Variants in SDK2 observed in about 807,000 individuals in gnomAD.
SDK2 encodes sidekick cell adhesion molecule 2.
Under a neutral mutation model 253.9 loss-of-function variants are expected in SDK2, and 105 were observed. That is an observed-to-expected ratio of 0.41 (90% CI 0.35 to 0.49). SDK2 has a LOEUF of 0.49. Among genes scored for constraint, SDK2 ranks in the 20% least tolerant of loss-of-function variants. The pLI, the probability that SDK2 is intolerant of heterozygous loss-of-function variation, is 0.06. For missense variants in SDK2, 2,608 were observed against 3,003.0 expected, an observed-to-expected ratio of 0.87 and a Z score of 3.07; for synonymous variants, 1,249 against 1,234.9, an observed-to-expected ratio of 1.01 and a Z score of -0.24.
chr17:73,375,934 T>C (rs1302310742), intron 36 of SDK2, among the ~76,000 whole-genome samples: 6 of 151,526 alleles, frequency 4.0e-5, no homozygotes, highest in Admixed American at 4.0e-4. Context: ...GCTGGCTCAC[T>C]CCTGTAATCC....
rs2062608492 is a variant in SDK2 at position 73,358,154 on chromosome 17, T to C, written c.5518A>G (p.Ile1840Val). ...TCTCCGCTGGACCAGTGAATGGCGATGGCAGAGCTGTACCGCACGATGATG... is the reference window on the plus strand; with the variant it reads ...TCTCCGCTGGACCAGTGAATGGCGACGGCAGAGCTGTACCGCACGATGATG... ...VPIIVRYSSA[I>V]AIHWSSGDPG... Residue 1840 changes from isoleucine (I) to valine (V), a missense_variant, in exon 40 of 45, where the codon ATC (isoleucine) becomes GTC (valine). Ile to Val is a conservative substitution (Grantham distance 29). Transcript: ENST00000392650. 2.5e-6 allele frequency: 4 copies of C among 1,613,106 alleles called. No individual in the cohort carries two copies. The East Asian group carries it at 8.9e-5, about 36-fold the overall frequency.
chr17:73,444,015 C>T (rs921247357), intron 5 of SDK2, among the ~76,000 whole-genome samples: 1 of 152,068 alleles, frequency 6.6e-6, no homozygotes, highest in Non-Finnish European at 1.5e-5. Flanking sequence ...AATGAAAGAG[C>T]GTGTGATGGT....
intron 3 of SDK2, among the ~76,000 whole-genome samples, 180 bp from the exon 4 acceptor site, chr17:73,456,233 C>T (rs887798162): frequency 6.6e-6 from 1 of 152,198 alleles, no homozygotes; most frequent in Admixed American, 6.5e-5. Flanking sequence ...AGCACCCTGC[C>T]CTAAGCTACT....
chr17:73,395,064 C>T lies in SDK2; in HGVS notation c.3592+91G>A. The T allele has an allele frequency of 1.0e-6, 1 of 997,058 alleles. No individual in the cohort carries two copies. Among genetic ancestry groups the T allele is most frequent in the South Asian group, 1.6e-5 (1 of 63,648 alleles). 61.8% of individuals were successfully genotyped at this position (997,058 alleles called of 1,614,324 possible). A position where few individuals can be genotyped will look rare whatever the true frequency, so the allele number is the denominator to read the frequency against. On this transcript the variant is annotated intron_variant, in intron 25 of 44. Transcript: ENST00000392650. The surrounding 1 kb of genome is among the most constrained non-coding windows in gnomAD (Gnocchi z 4.3). The stretch of plus-strand genomic sequence containing the variant: ...AGCTCAGGCTGTTTTTGAACAACAC[C>T]TTCAGCCTGGCACGCGCTTGGATGA...
chr17:73,354,881 T>C (rs767664693), intron 40 of SDK2, among the ~76,000 whole-genome samples: 4 of 151,950 alleles, frequency 2.6e-5, no homozygotes, highest in Non-Finnish European at 4.4e-5. Flanking sequence ...CTGATGGTTT[T>C]GTTTTCCTCA....
chr17:73,479,201 C>T (rs1269116092), intron 2 of SDK2, among the ~76,000 whole-genome samples: 1 of 152,238 alleles, frequency 6.6e-6, no homozygotes, highest in African/African-American at 2.4e-5. Context: ...GCAGGTGTCG[C>T]CCCAGATGTC....
At chr17:73,403,520 T>G (rs554668556) in intron 18 of SDK2, among the ~76,000 whole-genome samples, 2 of 152,230 alleles carry the variant, frequency 1.3e-5, no homozygotes, top group Non-Finnish European at 2.9e-5. Flanking sequence ...TTTCAGAGAT[T>G]TCCTCATTTA....
In SDK2 at chr17:73,334,917, T is replaced by G. The variant is rs903847349; in HGVS notation, c.*3670A>C. On this transcript the variant is annotated 3_prime_UTR_variant, in exon 45 of 45. Transcript: ENST00000392650. Reference sequence around the variant, plus strand: ...ACTCTGGGAAGCTGAGGGAAGCCCCTGCCCAGCCAGAGTGGCACTGTGGTG... The same window carrying G: ...ACTCTGGGAAGCTGAGGGAAGCCCCGGCCCAGCCAGAGTGGCACTGTGGTG... 1.3e-5 allele frequency: 2 copies of G among 152,362 alleles called. No homozygotes were observed. The highest frequency in any genetic ancestry group is 4.8e-5 in the African/African-American group (2 of 41,470). The allele number at this position is 152,362 out of a possible 1,614,324, so 9.4% of individuals were successfully genotyped here.
chr17:73,638,195 G>A (rs1035643454), intron 1 of SDK2, among the ~76,000 whole-genome samples: 8 of 152,184 alleles, frequency 5.3e-5, no homozygotes, highest in South Asian at 4.1e-4. Context: ...CCAGATGACC[G>A]TGGGCTGTAT....
In SDK2 at chr17:73,379,612, C is replaced by T. The variant is rs1468938170; in HGVS notation, c.4763-63G>A. 16 of 1,027,926 alleles carry T rather than the reference C, an allele frequency of 1.6e-5. No homozygotes were observed. Among genetic ancestry groups the T allele is most frequent in the Non-Finnish European group, 2.2e-5 (15 of 677,158 alleles). 63.7% of individuals were successfully genotyped at this position (1,027,926 alleles called of 1,614,324 possible). On this transcript the variant is annotated intron_variant, in intron 34 of 44. Coordinates refer to ENST00000392650, the MANE Select transcript of SDK2 (RefSeq NM_001144952.2). The surrounding 1 kb of genome is among the most constrained non-coding windows in gnomAD (Gnocchi z 4.5). ...TCACCGTCATTGCTGGGAAGGTGTC[C>T]CCAGGGAGGGTGGAGGCTGCAGGGG... is the stretch of plus-strand genomic sequence containing the variant.
At chr17:73,355,176 T>A (rs1229372788) in intron 40 of SDK2, among the ~76,000 whole-genome samples, 58 of 5,676 alleles carry the variant, frequency 0.01, 2 homozygotes, top group East Asian at 0.043. Context: ...ATATATATAT[T>A]TTTTTTTTTT....
At chr17:73,574,348 T>C (rs944936269) in intron 1 of SDK2, among the ~76,000 whole-genome samples, 6 of 152,264 alleles carry the variant, frequency 3.9e-5, no homozygotes, top group Admixed American at 1.3e-4. Flanking sequence ...AATTGATCAG[T>C]TCCCCTTGGT....
At chr17:73,614,563 G>T (rs1599727439) in intron 1 of SDK2, among the ~76,000 whole-genome samples, 1 of 118,356 alleles carries the variant, frequency 8.4e-6, no homozygotes, top group Non-Finnish European at 1.7e-5. Flanking sequence ...GGGGGACAAG[G>T]ATTGAAAAGG....
chr17:73,391,916 G>T (rs565951603), intron 27 of SDK2, among the ~76,000 whole-genome samples: 1 of 151,106 alleles, frequency 6.6e-6, no homozygotes, highest in Non-Finnish European at 1.5e-5. Flanking sequence ...TGAAGTGGCC[G>T]TGGGGTAATG....
At chr17:73,508,395 T>C (rs2063952040) in intron 1 of SDK2, among the ~76,000 whole-genome samples, 2 of 152,338 alleles carry the variant, frequency 1.3e-5, no homozygotes, top group African/African-American at 4.8e-5. Flanking sequence ...CCTCTGCCCT[T>C]CTGGCCAGTG....
intron 3 of SDK2, among the ~76,000 whole-genome samples, chr17:73,464,790 C>T (rs1470346642): frequency 1.3e-5 from 2 of 152,224 alleles, no homozygotes; most frequent in East Asian, 1.9e-4. Context: ...CAAATAAGAC[C>T]CCTGCCCCAT....
rs184691414 is a variant in SDK2 at position 73,529,693 on chromosome 17, C to T, written c.65-22096G>A. Among the ~76,000 whole-genome samples, 42 of 152,158 alleles carry T rather than the reference C, an allele frequency of 2.8e-4. No individual in the cohort carries two copies. In the East Asian group the frequency reaches 7.2e-3, roughly 26 times the overall value. On this transcript the variant is annotated intron_variant, in intron 1 of 44. Coordinates refer to ENST00000392650, the MANE Select transcript of SDK2 (RefSeq NM_001144952.2). Reference sequence around the variant, plus strand: ...GAAGATGACCATGGGAAGACAAAGGCAGAGATTGCAGCAATATATCCACAA... The same window carrying T: ...GAAGATGACCATGGGAAGACAAAGGTAGAGATTGCAGCAATATATCCACAA...
At chr17:73,492,566 A>C (rs996713304) in intron 2 of SDK2, among the ~76,000 whole-genome samples, 3 of 152,164 alleles carry the variant, frequency 2.0e-5, no homozygotes, top group African/African-American at 7.2e-5. Flanking sequence ...CTTGAGTTAC[A>C]GAACACACCA....
chr17:73,595,745 T>G (rs1056480581), intron 1 of SDK2, among the ~76,000 whole-genome samples: 3 of 151,952 alleles, frequency 2.0e-5, no homozygotes, highest in African/African-American at 7.3e-5. Context: ...GTGGGGGCAG[T>G]GTCAGTTCAA....
Sources: allele counts gnomAD v4.1 joint callset (sites outside exome capture counted in the v4.1 genomes callset), GRCh38; gene constraint gnomAD v4.1.1; non-coding constraint Gnocchi (gnomAD v3.1); transcripts MANE v1.5; gene names NCBI Gene and HGNC (gene_info 2026-07-23, HGNC 2026-07-21).